The following ZNF224 variants were observed in gnomAD, a reference collection of about 807,000 sequenced individuals.
ZNF224 encodes zinc finger protein 224, also known as bone marrow zinc finger 2.
In ZNF224, 8 loss-of-function variants were observed where a neutral mutation model predicts 10.5. The ratio of observed to expected loss-of-function variants is 0.76; its 90% CI spans 0.45 to 1.37. The LOEUF (loss-of-function observed/expected upper bound fraction) is 1.37, where lower values mean the gene tolerates loss of function less well. Ranked by LOEUF, ZNF224 falls within the 40% of genes most tolerant of loss-of-function variation. ZNF224 has a pLI of 0.00. For missense variants in ZNF224, 754 were observed against 854.0 expected (o/e 0.88, Z 1.46); for synonymous variants, 282 against 287.8 (o/e 0.98, Z 0.20).
chr19:44,097,777 C>G, intron 2 of ZNF224, 29 bp from the exon 3 acceptor site: 2 of 1,449,752 alleles, frequency 1.4e-6, no homozygotes, highest in Admixed American at 1.8e-5. Context: ...TTTCATGTCT[C>G]TTTTTCTGCC....
In ZNF224 at chr19:44,109,741, C is replaced by T. The variant is rs551622066; in HGVS notation, c.*1457C>T. 7.2e-5 allele frequency: 11 copies of T among 152,314 alleles called. No homozygotes were observed. The South Asian group carries it at 2.1e-3, about 29-fold the overall frequency. The allele number at this position is 152,314 out of a possible 1,614,324, so 9.4% of individuals were successfully genotyped here. A position where few individuals can be genotyped will look rare whatever the true frequency, so the allele number is the denominator to read the frequency against. ...TAATATGAACTCAATGAGATGATGA[C>T]ATAGACACAATAACAAAAGGAGAAA... is the stretch of plus-strand genomic sequence containing the variant. On this transcript the variant is annotated 3_prime_UTR_variant, in exon 6 of 6. Coordinates refer to ENST00000693561, the MANE Select transcript of ZNF224 (RefSeq NM_001321645.3).
chr19:44,095,197 C>A, intron 1 of ZNF224: 1 of 225,932 alleles, frequency 4.4e-6, no homozygotes, highest in South Asian at 7.7e-5. Context: ...ATGCTCACCC[C>A]AACCGAGAGT....
chr19:44,100,659 A>T (rs1967529269), intron 3 of ZNF224, 142 bp from the exon 4 acceptor site: 1 of 1,059,448 alleles, frequency 9.4e-7, no homozygotes, highest in Non-Finnish European at 1.4e-6. Context: ...TACAGACAGA[A>T]TGAGTAGGAA....
intron 5 of ZNF224, among the ~76,000 whole-genome samples, chr19:44,102,613 G>A (rs1313553383): frequency 2.0e-5 from 3 of 152,114 alleles, no homozygotes; most frequent in African/African-American, 4.8e-5. Context: ...CTTAGATTCC[G>A]TTATTTGATT....
chr19:44,096,532 C>T, intron 2 of ZNF224, 101 bp downstream of exon 2: 1 of 152,276 alleles, frequency 6.6e-6, no homozygotes, highest in East Asian at 1.9e-4. Flanking sequence ...TATTAGATAT[C>T]TATCCAAAGA....
intron 2 of ZNF224, 126 bp from the exon 3 acceptor site, chr19:44,097,680 G>T: frequency 1.8e-6 from 1 of 559,598 alleles, no homozygotes; most frequent in Admixed American, 3.6e-5. Flanking sequence ...GTGCCGTTTT[G>T]GGTTTTTATG....
rs1967678955 is a variant in ZNF224, at chr19:44,106,886, T to A, written c.726T>A (p.Ser242Arg). The change falls in exon 6 of 6, where the codon AGT becomes AGA. Residue 242 changes from serine to arginine, a missense_variant. By Grantham distance (110) the Ser-to-Arg change is moderately radical (BLOSUM62 -1). Transcript: ENST00000693561. Reference protein sequence around the residue: ...FKCVECGKGFSRRSALNVHHK... With the variant: ...FKCVECGKGFRRRSALNVHHK... ...GTGTGGAATGTGGGAAAGGCTTCAG[T>A]CGTAGATCAGCACTTAATGTTCATC... 6.2e-7 allele frequency: 1 copy of A among 1,609,844 alleles called. No homozygotes were observed. Among genetic ancestry groups the A allele is most frequent in the African/African-American group, 1.3e-5 (1 of 74,790 alleles).
chr19:44,106,775 G>A lies in ZNF224; in HGVS notation c.615G>A (p.Lys205=). ...TCCACATGGGAGAGAAATGCTATAA[G>A]TGTGACGTGTGTGGTAAGGAATTCA... ...QRVHMGEKCY[K]CDVCGKEFSQ... Residue 205 remains lysine, a synonymous_variant, in exon 6 of 6, where the codon AAG becomes AAA. Transcript: ENST00000693561. 3.1e-6 allele frequency: 5 copies of A among 1,613,690 alleles called. No homozygotes were observed. The highest frequency in any genetic ancestry group is 4.2e-6 in the Non-Finnish European group (5 of 1,179,728).
At chr19:44,096,470 A>G (rs1384407759) in intron 2 of ZNF224, 39 bp downstream of exon 2, 2 of 152,234 alleles carry the variant, frequency 1.3e-5, no homozygotes, top group Admixed American at 6.5e-5. Context: ...ATGGTTTCAC[A>G]TAACATATTA....
Position 44,096,416 on chromosome 19 carries a change from A to AC in ZNF224, c.-82dup. 1 of 152,360 alleles carries AC rather than the reference A, an allele frequency of 6.6e-6. No homozygotes were observed. The highest frequency in any genetic ancestry group is 2.1e-4 in the South Asian group (1 of 4,826). 9.4% of individuals were successfully genotyped at this position (152,360 alleles called of 1,614,324 possible). ...CTTTCTGCAGCAAGGAAGCCCACGT[A>AC]CCAGGGGCTGTCTTGGTAAGTAGAA... On this transcript the variant is annotated 5_prime_UTR_variant, in exon 2 of 6. Transcript: ENST00000693561.
chr19:44,096,316 C>T (rs1201541893), intron 1 of ZNF224, 27 bp from the exon 2 acceptor site: 3 of 152,102 alleles, frequency 2.0e-5, no homozygotes, highest in Non-Finnish European at 4.4e-5. Flanking sequence ...TTACATTTTT[C>T]CTGTTTGTTT....
Position 44,101,138 on chromosome 19 carries a change from C to G in ZNF224, c.148C>G (p.Gln50Glu), listed in dbSNP as rs763440016. 1.9e-6 allele frequency: 3 copies of G among 1,613,962 alleles called. No homozygotes were observed. In the African/African-American group the frequency reaches 4.0e-5, roughly 22 times the overall value. Residue 50 changes from glutamine to glutamate, a missense_variant, in exon 5 of 6, where the codon CAA becomes GAA. Coordinates refer to ENST00000693561, the MANE Select transcript of ZNF224 (RefSeq NM_001321645.3). ...NFRNLLSVGH[Q>E]AFHRDTFHFL... ...GTAAGTTTGCCTGTTTGCAGGACAT[C>G]AAGCATTCCACAGGGATACTTTCCA...
At position 44,108,408 on chromosome 19, in the gene ZNF224, A is replaced by G. The variant is rs889617982; in HGVS notation, c.*124A>G. The G allele has an allele frequency of 6.1e-6, 6 of 987,546 alleles. No individual in the cohort carries two copies. In the African/African-American group the frequency reaches 6.5e-5, roughly 11 times the overall value. 61.2% of individuals were successfully genotyped at this position (987,546 alleles called of 1,614,324 possible). A position where few individuals can be genotyped will look rare whatever the true frequency, so the allele number is the denominator to read the frequency against. On this transcript the variant is annotated 3_prime_UTR_variant, in exon 6 of 6. Coordinates refer to ENST00000693561, the MANE Select transcript of ZNF224 (RefSeq NM_001321645.3). ...GTAAGCACTTCCCTTTGAGTATTTT[A>G]TCTCTGAATCCATGCTGGTGATAAA... is the stretch of plus-strand genomic sequence containing the variant.
At chr19:44,101,322 CTCTT>C in intron 5 of ZNF224, 97 bp downstream of exon 5, 1 of 1,253,142 alleles carries the variant, frequency 8.0e-7, no homozygotes, top group Middle Eastern at 1.9e-4. Flanking sequence ...ATGGCCAAAC[CTCTT>C]TCTTGGATTA....
Position 44,108,278 on chromosome 19 carries a change from A to AC in ZNF224, c.2120dup (p.Ter708LeufsTer4), listed in dbSNP as rs1967750159. 1 of 1,605,690 alleles carries AC rather than the reference A, an allele frequency of 6.2e-7. No individual in the cohort carries two copies. Among genetic ancestry groups the AC allele is most frequent in the Admixed American group, 1.7e-5 (1 of 58,984 alleles). ...ATCAGAATGTTCATGTTGGAGAAAA[A>AC]CCTTAGTGATGTGATGGTGCAATAA... On this transcript the variant is annotated frameshift_variant, in exon 6 of 6. Transcript: ENST00000693561. LOFTEE classifies it high-confidence loss of function.
At position 44,107,667 on chromosome 19, in the gene ZNF224, CAG is replaced by C. The variant is rs1386908907; in HGVS notation, c.1512_1513del (p.Arg504SerfsTer11). 5 of 1,613,796 alleles carry C rather than the reference CAG, an allele frequency of 3.1e-6. No homozygotes were observed. The highest frequency in any genetic ancestry group is 1.3e-5 in the African/African-American group (1 of 74,812). ...FTQNSHLHSH[Q>X]RVHTGEKPYK... ...TCAAAATTCACATCTTCATTCCCAT[CAG>C]AGAGTTCACACTGGAGAAAAGCCAT... On this transcript the variant is annotated frameshift_variant, in exon 6 of 6. Coordinates refer to ENST00000693561, the MANE Select transcript of ZNF224 (RefSeq NM_001321645.3). LOFTEE classifies it low-confidence loss of function (END_TRUNC).
chr19:44,100,685 T>C lies in ZNF224; in HGVS notation c.16-116T>C, dbSNP rs1196459329. The C allele has an allele frequency of 5.3e-6, 7 of 1,313,480 alleles. No individual in the cohort carries two copies. The East Asian group carries it at 1.4e-4, about 26-fold the overall frequency. The allele number at this position is 1,313,480 out of a possible 1,614,324, so 81.4% of individuals were successfully genotyped here. A position where few individuals can be genotyped will look rare whatever the true frequency, so the allele number is the denominator to read the frequency against. On this transcript the variant is annotated intron_variant, in intron 3 of 5. Coordinates refer to ENST00000693561, the MANE Select transcript of ZNF224 (RefSeq NM_001321645.3). ...TGAGTAGGAAATCTACGAGTTGACC[T>C]ATGTCTCTCAAGATCCAAAACAACT...
At chr19:44,101,341 C>T in intron 5 of ZNF224, 116 bp downstream of exon 5, 2 of 1,074,366 alleles carry the variant, frequency 1.9e-6, no homozygotes, top group South Asian at 3.1e-5. Context: ...GGATTATTGA[C>T]AACCATCTTA....
chr19:44,097,925 C>T (rs770534644), intron 3 of ZNF224, 37 bp downstream of exon 3: 3 of 1,611,720 alleles, frequency 1.9e-6, no homozygotes, highest in East Asian at 2.2e-5. Context: ...TTAAAATTCC[C>T]TCTCAGTACT....
Sources: allele counts gnomAD v4.1 joint callset (sites outside exome capture counted in the v4.1 genomes callset), GRCh38; gene constraint gnomAD v4.1.1; transcripts MANE v1.5; gene names NCBI Gene and HGNC (gene_info 2026-07-23, HGNC 2026-07-21).